TLK1: variants seen among roughly 807,000 people sequenced by gnomAD.
The protein encoded by TLK1 is tousled like kinase 1.
In TLK1, 24 loss-of-function variants were observed where a neutral mutation model predicts 105.3. The ratio of observed to expected loss-of-function variants is 0.23; its 90% CI spans 0.17 to 0.32. The LOEUF is 0.32. Among genes scored for constraint, TLK1 ranks in the 10% least tolerant of loss-of-function variants. The probability of loss-of-function intolerance (pLI) is 1.00; values close to 1 mark genes in which losing one functional copy is unlikely to be tolerated. For synonymous variants in TLK1, 321 were observed against 310.4 expected (o/e 1.03, Z -0.36); for missense variants, 558 against 910.5 (o/e 0.61, Z 4.98).
intron 1 of TLK1, among the ~76,000 whole-genome samples, chr2:171,147,376 G>A (rs992812715): frequency 2.6e-5 from 4 of 152,124 alleles, no homozygotes; most frequent in South Asian, 4.2e-4. Flanking sequence ...AAAAATACTC[G>A]CCCCCTTTGC....
At chr2:171,049,425 T>C (rs574485491) in intron 10 of TLK1, among the ~76,000 whole-genome samples, 11 of 152,304 alleles carry the variant, frequency 7.2e-5, no homozygotes, top group African/African-American at 2.6e-4. Flanking sequence ...AGGCAAGTGC[T>C]GAACATTAAC....
At chr2:171,041,517 C>T (rs1207003490) in intron 11 of TLK1, among the ~76,000 whole-genome samples, 1 of 152,214 alleles carries the variant, frequency 6.6e-6, no homozygotes, top group Non-Finnish European at 1.5e-5. Flanking sequence ...ACCACCTGAA[C>T]TCCATCCACC....
chr2:171,154,403 A>G (rs1485037399), intron 1 of TLK1: 1 of 152,038 alleles, frequency 6.6e-6, no homozygotes, highest in Non-Finnish European at 1.5e-5. Context: ...AAGAGGCTGT[A>G]AAGTATAATG....
rs199996292 is a variant in TLK1 at position 171,037,478 on chromosome 2, G to GTA, written c.1169+8694_1169+8695dup. Reference sequence around the variant, plus strand: ...AAAACAGAGGCATGATGACCCAAGAGTACAGCATGGAGATACTCAAGCAAA... The same window carrying GTA: ...AAAACAGAGGCATGATGACCCAAGAGTATACAGCATGGAGATACTCAAGCAAA... On this transcript the variant is annotated intron_variant, in intron 11 of 20. Coordinates refer to ENST00000431350, the MANE Select transcript of TLK1 (RefSeq NM_012290.5). Among the ~76,000 whole-genome samples, 917 of 150,514 alleles carry GTA rather than the reference G, an allele frequency of 6.1e-3. 13 individuals carry two copies. Among genetic ancestry groups the GTA allele is most frequent in the African/African-American group, 0.021 (869 of 41,094 alleles).
At chr2:171,039,414 T>C (rs1203219439) in intron 11 of TLK1, among the ~76,000 whole-genome samples, 1 of 152,006 alleles carries the variant, frequency 6.6e-6, no homozygotes, top group Non-Finnish European at 1.5e-5. Flanking sequence ...TACAGGCCCA[T>C]GCCTGGCTAA....
At chr2:171,155,243 C>T (rs1160164418) in intron 1 of TLK1, among the ~76,000 whole-genome samples, 1 of 152,106 alleles carries the variant, frequency 6.6e-6, no homozygotes, top group Admixed American at 6.5e-5. Context: ...ATTTCTCTTA[C>T]AAAATTGAAA....
intron 11 of TLK1, among the ~76,000 whole-genome samples, chr2:171,034,225 A>G (rs558849454): frequency 2.0e-5 from 3 of 152,344 alleles, no homozygotes; most frequent in Non-Finnish European, 2.9e-5. Context: ...GTTAAGATAC[A>G]GAATTACCAT....
At chr2:171,147,298 GAAC>G (rs758027411) in intron 1 of TLK1, among the ~76,000 whole-genome samples, 1 of 152,164 alleles carries the variant, frequency 6.6e-6, no homozygotes, top group Non-Finnish European at 1.5e-5. Flanking sequence ...TCATCTCAGA[GAAC>G]AATAGACTAA....
intron 2 of TLK1, among the ~76,000 whole-genome samples, chr2:171,098,655 A>G (rs1448004515): frequency 1.3e-5 from 2 of 152,228 alleles, no homozygotes; most frequent in African/African-American, 4.8e-5. Context: ...TAGTGAAACC[A>G]GATAAAAACA....
At chr2:171,002,120 G>C (rs2105356822) in intron 18 of TLK1, among the ~76,000 whole-genome samples, 1 of 152,084 alleles carries the variant, frequency 6.6e-6, no homozygotes, top group East Asian at 1.9e-4. Flanking sequence ...TGGTTGGCGG[G>C]AGCTGCTTCT....
intron 10 of TLK1, among the ~76,000 whole-genome samples, chr2:171,047,551 T>A (rs368566113): frequency 6.6e-6 from 1 of 152,250 alleles, no homozygotes; most frequent in African/African-American, 2.4e-5. Flanking sequence ...GGTAGAAGAT[T>A]GAAAGGGTAG....
chr2:171,108,552 G>A (rs141186183), intron 2 of TLK1, among the ~76,000 whole-genome samples: 8 of 151,480 alleles, frequency 5.3e-5, no homozygotes, highest in African/African-American at 7.2e-5. Context: ...TAAGAGAGTC[G>A]AATGCTCCTA....
chr2:171,046,571 G>C (rs1686971726), intron 10 of TLK1, among the ~76,000 whole-genome samples: 1 of 152,080 alleles, frequency 6.6e-6, no homozygotes, highest in Admixed American at 6.5e-5. Context: ...CCCTAGATTA[G>C]GGAAAGATGT....
intron 3 of TLK1, among the ~76,000 whole-genome samples, chr2:171,064,231 A>C (rs957234730): frequency 6.6e-6 from 1 of 152,176 alleles, no homozygotes; most frequent in Non-Finnish European, 1.5e-5. Context: ...AAGTTATTAA[A>C]GGGGAAGGAG....
chr2:171,121,815 T>C (rs957416319), intron 1 of TLK1, among the ~76,000 whole-genome samples: 2 of 152,222 alleles, frequency 1.3e-5, no homozygotes, highest in Admixed American at 6.5e-5. Context: ...CCCAGATATA[T>C]AGCTTCCTCT....
At position 171,007,076 on chromosome 2, in the gene TLK1, G is replaced by C; in HGVS notation, c.1417-13C>G. ...AAAGGTCAAAAGCCTAGGATTTCAA[G>C]TCAAAAACAATTAAGATGAAAGACC... On this transcript the variant is annotated splice_polypyrimidine_tract_variant and intron_variant, in intron 14 of 20. Coordinates refer to ENST00000431350, the MANE Select transcript of TLK1 (RefSeq NM_012290.5). The C allele has an allele frequency of 6.3e-7, 1 of 1,580,608 alleles. No homozygotes were observed. The highest frequency in any genetic ancestry group is 8.5e-7 in the Non-Finnish European group (1 of 1,170,084).
rs1434471927 is a variant in TLK1 at position 170,993,917 on chromosome 2, G to T, written c.2164C>A (p.Arg722=). The T allele has an allele frequency of 1.9e-6, 3 of 1,610,506 alleles. No homozygotes were observed. The South Asian group carries it at 3.3e-5, about 18-fold the overall frequency. The change falls in exon 21 of 21, where the codon CGA becomes AGA. Residue 722 remains arginine, a synonymous_variant. Transcript: ENST00000431350. ...RRCLAYRKED[R]FDVHQLANDP... is the part of the protein sequence containing the mutation. ...TTTGCCAGCTGGTGCACATCAAATC[G>T]ATCTTCTTTTCGATATGCCAAACAG...
At chr2:171,057,600 G>A (rs1687563595) in intron 5 of TLK1, among the ~76,000 whole-genome samples, 1 of 152,028 alleles carries the variant, frequency 6.6e-6, no homozygotes, top group Non-Finnish European at 1.5e-5. Context: ...CCCTTAATCA[G>A]CCAATTCTGC....
intron 1 of TLK1, among the ~76,000 whole-genome samples, chr2:171,137,219 C>T (rs1691361905): frequency 6.6e-6 from 1 of 151,818 alleles, no homozygotes; most frequent in South Asian, 2.1e-4. Flanking sequence ...GAGGTCAAGG[C>T]TGCAATGAGC....
Sources: gnomAD v4.1 joint callset for allele counts (sites outside exome capture counted in the v4.1 genomes callset) on GRCh38, gnomAD v4.1.1 for gene constraint, MANE v1.5 for transcripts, NCBI Gene and HGNC (gene_info 2026-07-23, HGNC 2026-07-21) for gene names.